The following TAFA1 variants were observed in gnomAD, a reference collection of about 807,000 sequenced individuals.
The protein encoded by TAFA1 is chemokine-like protein TAFA-1.
Under a neutral mutation model 18.5 loss-of-function variants are expected in TAFA1, and 4 were observed. That is an observed-to-expected ratio of 0.22 (90% CI 0.11 to 0.49). The LOEUF is 0.49. Ranked by LOEUF, TAFA1 falls within the 20% of genes least tolerant of loss-of-function variation. The pLI, the probability that TAFA1 is intolerant of heterozygous loss-of-function variation, is 0.98. For missense variants in TAFA1, 147 were observed against 169.0 expected (o/e 0.87, Z 0.72); for synonymous variants, 56 against 55.2 (o/e 1.01, Z -0.06).
intron 2 of TAFA1, among the ~76,000 whole-genome samples, chr3:68,202,108 A>AT (rs1320353804): frequency 6.6e-6 from 1 of 151,720 alleles, no homozygotes; most frequent in Non-Finnish European, 1.5e-5. Context: ...ACACCACCTC[A>AT]TTGGGGATCA....
intron 2 of TAFA1, among the ~76,000 whole-genome samples, chr3:68,380,241 T>C (rs1337720483): frequency 6.6e-6 from 1 of 152,116 alleles, no homozygotes; most frequent in Non-Finnish European, 1.5e-5. Context: ...CGTGCATGTG[T>C]CTTTATAGCA....
At chr3:68,543,394 G>A (rs1008391103) in intron 4 of TAFA1, among the ~76,000 whole-genome samples, 9 of 152,060 alleles carry the variant, frequency 5.9e-5, no homozygotes, top group Non-Finnish European at 1.3e-4. Context: ...AGCAAACCAC[G>A]CTGGGTTTGC....
chr3:68,269,901 T>C (rs900146950), intron 2 of TAFA1, among the ~76,000 whole-genome samples: 4 of 152,230 alleles, frequency 2.6e-5, no homozygotes, highest in Non-Finnish European at 5.9e-5. Flanking sequence ...TCTATGCATG[T>C]TGTAACTTTT....
rs374518759 is a variant in TAFA1, at chr3:68,191,379, G to A, written c.118+184635G>A. On this transcript the variant is annotated intron_variant, in intron 2 of 4. Transcript: ENST00000478136. ...TCAGCATGGCGGTATTTATTAAGCC[G>A]GTTCAAGCAATGGAAAAACGTAACT... Among the ~76,000 whole-genome samples the A allele has an allele frequency of 1.4e-3, 214 of 151,854 alleles. 1 individual carries two copies. Among genetic ancestry groups the A allele is most frequent in the African/African-American group, 4.4e-3 (181 of 41,492 alleles).
chr3:68,157,296 C>T (rs2065877347), intron 2 of TAFA1, among the ~76,000 whole-genome samples: 2 of 152,114 alleles, frequency 1.3e-5, no homozygotes, highest in Admixed American at 1.3e-4. Flanking sequence ...TTTATAGGTT[C>T]ATGATCTTAA....
intron 2 of TAFA1, among the ~76,000 whole-genome samples, chr3:68,367,182 T>C (rs2069591316): frequency 6.6e-6 from 1 of 152,222 alleles, no homozygotes; most frequent in African/African-American, 2.4e-5. Context: ...AAGACCCACC[T>C]GAAGCTTTAA....
chr3:68,458,645 G>A (rs1020216971), intron 3 of TAFA1, among the ~76,000 whole-genome samples: 1 of 152,088 alleles, frequency 6.6e-6, no homozygotes, highest in African/African-American at 2.4e-5. Context: ...TTCTCAACAG[G>A]AAATAAATAA....
intron 3 of TAFA1, among the ~76,000 whole-genome samples, chr3:68,537,147 G>C (rs2073289670): frequency 6.6e-6 from 1 of 152,126 alleles, no homozygotes; most frequent in Admixed American, 6.6e-5. Flanking sequence ...TGCAAGATCT[G>C]TGCTCTACAA....
intron 3 of TAFA1, among the ~76,000 whole-genome samples, chr3:68,437,831 G>A (rs997696205): frequency 9.9e-5 from 15 of 152,014 alleles, no homozygotes; most frequent in South Asian, 2.1e-4. Flanking sequence ...TATCCTTCTC[G>A]CATACAAATA....
intron 2 of TAFA1, among the ~76,000 whole-genome samples, chr3:68,399,776 C>G (rs769510276): frequency 1.3e-5 from 2 of 152,094 alleles, no homozygotes; most frequent in Non-Finnish European, 2.9e-5. Flanking sequence ...AGTTGGAACA[C>G]TAAAACTTAA....
intron 4 of TAFA1, 29 bp downstream of exon 4, chr3:68,538,909 G>A (rs1306511418): frequency 6.2e-7 from 1 of 1,610,958 alleles, no homozygotes. Flanking sequence ...AATGTATTTT[G>A]GATGTTACAG....
At chr3:68,201,980 GAATT>G (rs888549253) in intron 2 of TAFA1, among the ~76,000 whole-genome samples, 15 of 151,610 alleles carry the variant, frequency 9.9e-5, no homozygotes, top group African/African-American at 3.6e-4. Flanking sequence ...ATTCCTGTGA[GAATT>G]AATCCAGTCT....
intron 2 of TAFA1, among the ~76,000 whole-genome samples, chr3:68,212,931 A>C (rs2066613352): frequency 1.3e-5 from 2 of 152,000 alleles, no homozygotes. Flanking sequence ...CAAAGGAGGA[A>C]AAGTCATCTT....
intron 2 of TAFA1, among the ~76,000 whole-genome samples, chr3:68,243,790 A>G (rs772176106): frequency 6.6e-6 from 1 of 152,164 alleles, no homozygotes; most frequent in Non-Finnish European, 1.5e-5. Context: ...AACTTCACTG[A>G]GAGAAATACC....
intron 2 of TAFA1, among the ~76,000 whole-genome samples, chr3:68,247,113 T>C (rs192418377): frequency 6.6e-6 from 1 of 152,252 alleles, no homozygotes; most frequent in East Asian, 1.9e-4. Flanking sequence ...ATACTGACTC[T>C]CTATCCTCCC....
At chr3:68,503,511 T>A (rs2072696302) in intron 3 of TAFA1, among the ~76,000 whole-genome samples, 1 of 151,966 alleles carries the variant, frequency 6.6e-6, no homozygotes, top group African/African-American at 2.4e-5. Flanking sequence ...AAACTAGAGG[T>A]CAATAGGGGC....
intron 2 of TAFA1, among the ~76,000 whole-genome samples, chr3:68,155,341 C>A (rs756678880): frequency 6.6e-6 from 1 of 152,164 alleles, no homozygotes; most frequent in African/African-American, 2.4e-5. Flanking sequence ...ATAGCACATT[C>A]GCATTTACCA....
chr3:68,512,654 G>A (rs1343895288), intron 3 of TAFA1, among the ~76,000 whole-genome samples: 1 of 150,626 alleles, frequency 6.6e-6, no homozygotes, highest in Admixed American at 6.7e-5. Flanking sequence ...GAGGGTAAAA[G>A]AGTTCTGGGT....
At chr3:68,032,690 C>T (rs963149086) in intron 2 of TAFA1, among the ~76,000 whole-genome samples, 5 of 152,136 alleles carry the variant, frequency 3.3e-5, no homozygotes, top group African/African-American at 1.2e-4. Flanking sequence ...TTTTCCCTCC[C>T]AGACTCCTGT....
Sources: gnomAD v4.1 joint callset for allele counts (sites outside exome capture counted in the v4.1 genomes callset) on GRCh38, gnomAD v4.1.1 for gene constraint, MANE v1.5 for transcripts, NCBI Gene and HGNC (gene_info 2026-07-23, HGNC 2026-07-21) for gene names.